Variants in CTBP2 observed in about 807,000 individuals in gnomAD.
CTBP2 encodes the protein C-terminal-binding protein 2.
In CTBP2, 30 loss-of-function variants were observed where a neutral mutation model predicts 80.3. The ratio of observed to expected loss-of-function variants is 0.37; its 90% CI spans 0.28 to 0.51. CTBP2 has a LOEUF of 0.51. Among genes scored for constraint, CTBP2 ranks in the 20% least tolerant of loss-of-function variants. The pLI is 0.93. For missense variants in CTBP2, 1,212 were observed against 1,375.3 expected (o/e 0.88, Z 1.88); for synonymous variants, 594 against 587.4 (o/e 1.01, Z -0.16).
chr10:125,114,453 AGTTCCTGCACCT>A (rs1412621180), intron 1 of CTBP2, among the ~76,000 whole-genome samples: 4 of 152,118 alleles, frequency 2.6e-5, no homozygotes, highest in African/African-American at 4.8e-5. Context: ...GTGGTCAGCT[AGTTCCTGCACCT>A]TCCACATATA....
chr10:125,037,360 G>A (rs1287014612), intron 3 of CTBP2, among the ~76,000 whole-genome samples: 2 of 152,208 alleles, frequency 1.3e-5, no homozygotes, highest in Admixed American at 6.5e-5. Flanking sequence ...TGCAGGGGGT[G>A]GAGTCAGCCC....
chr10:125,073,483 C>G (rs777132764), intron 2 of CTBP2, among the ~76,000 whole-genome samples: 1 of 152,210 alleles, frequency 6.6e-6, no homozygotes, highest in Non-Finnish European at 1.5e-5. Context: ...TCAAGTGATC[C>G]GCCCGCCTTG....
chr10:125,090,370 A>G (rs544886162), intron 2 of CTBP2, among the ~76,000 whole-genome samples: 2 of 151,488 alleles, frequency 1.3e-5, no homozygotes, highest in Non-Finnish European at 2.9e-5. Flanking sequence ...ATAACTGAAT[A>G]TGTATCATAA....
intron 2 of CTBP2, among the ~76,000 whole-genome samples, chr10:125,107,146 C>T (rs1851585223): frequency 6.6e-6 from 1 of 152,222 alleles, no homozygotes; most frequent in African/African-American, 2.4e-5. Flanking sequence ...TCAGCGGGGG[C>T]CCCTCCTCCC....
chr10:125,089,161 G>GC (rs952347467), intron 2 of CTBP2, among the ~76,000 whole-genome samples: 9 of 152,174 alleles, frequency 5.9e-5, no homozygotes, highest in African/African-American at 2.2e-4. Context: ...ATGACATGCT[G>GC]CAAACATTTT....
intron 2 of CTBP2, among the ~76,000 whole-genome samples, chr10:125,052,829 G>A (rs1487220173): frequency 6.6e-6 from 1 of 152,202 alleles, no homozygotes; most frequent in African/African-American, 2.4e-5. Flanking sequence ...TGGATCTCAG[G>A]CTGGAATTGG....
At chr10:125,063,941 C>G (rs1177036688) in intron 2 of CTBP2, among the ~76,000 whole-genome samples, 2 of 152,152 alleles carry the variant, frequency 1.3e-5, no homozygotes, top group Non-Finnish European at 2.9e-5. Context: ...GTGCCACCTT[C>G]CAGGGGTGCT....
intron 2 of CTBP2, among the ~76,000 whole-genome samples, chr10:125,084,376 G>A (rs1395023960): frequency 2.6e-5 from 4 of 152,198 alleles, no homozygotes; most frequent in Admixed American, 6.5e-5. Flanking sequence ...CAGCAGCCCC[G>A]TGGAAGGAAA....
chr10:124,987,555 C>G lies in CTBP2; in HGVS notation c.*1963G>C, dbSNP rs903437675. ...CTCCTTTTCACGCATATTTCATTGC[C>G]TCTTTGATGAGTGGTTACGAAGACG... On this transcript the variant is annotated 3_prime_UTR_variant, in exon 9 of 9. Transcript: ENST00000309035. 6.6e-6 allele frequency: 1 copy of G among 152,070 alleles called. No individual in the cohort carries two copies. The highest frequency in any genetic ancestry group is 2.1e-4 in the South Asian group (1 of 4,830). 9.4% of individuals were successfully genotyped at this position (152,070 alleles called of 1,614,324 possible). A position where few individuals can be genotyped will look rare whatever the true frequency, so the allele number is the denominator to read the frequency against.
At chr10:125,088,859 T>C (rs557433841) in intron 2 of CTBP2, among the ~76,000 whole-genome samples, 4 of 152,198 alleles carry the variant, frequency 2.6e-5, no homozygotes, top group Non-Finnish European at 5.9e-5. Context: ...GGGAGATGAA[T>C]GCCCCAGAGC....
At chr10:125,141,423 G>A (rs1235644810) in intron 1 of CTBP2, among the ~76,000 whole-genome samples, 2 of 152,110 alleles carry the variant, frequency 1.3e-5, no homozygotes, top group African/African-American at 4.8e-5. Context: ...CGGGGCAGCT[G>A]ACCTTCCCCA....
chr10:125,039,217 C>T (rs1046755564), intron 2 of CTBP2, 62 bp from the exon 3 acceptor site: 2 of 579,422 alleles, frequency 3.5e-6, no homozygotes, highest in South Asian at 2.3e-5. Flanking sequence ...GACAACAGCT[C>T]ACTGGGGACT....
intron 1 of CTBP2, among the ~76,000 whole-genome samples, chr10:125,020,836 G>A (rs1279806957): frequency 2.0e-5 from 3 of 152,186 alleles, no homozygotes; most frequent in African/African-American, 7.2e-5. Context: ...AGTGTGGAGG[G>A]GGTCTGCGCT....
rs1384936072 is a variant in CTBP2, at chr10:124,986,828, C to CAA, written c.*2688_*2689dup. The CAA allele has an allele frequency of 6.6e-6, 1 of 152,112 alleles. No homozygotes were observed. Among genetic ancestry groups the CAA allele is most frequent in the African/African-American group, 2.4e-5 (1 of 41,402 alleles). The allele number at this position is 152,112 out of a possible 1,614,324, so 9.4% of individuals were successfully genotyped here. On this transcript the variant is annotated 3_prime_UTR_variant, in exon 9 of 9. Transcript: ENST00000309035. ...AATCTGCCCTCCCAATTGAAAAAGCCAAAGAGAATTGTTAGAGGGAAAAGC... is the reference window on the plus strand; with the variant it reads ...AATCTGCCCTCCCAATTGAAAAAGCCAAAAAGAGAATTGTTAGAGGGAAAAGC...
chr10:125,042,301 G>C (rs964440061), intron 2 of CTBP2, among the ~76,000 whole-genome samples: 4 of 152,262 alleles, frequency 2.6e-5, no homozygotes, highest in South Asian at 4.2e-4. Context: ...TGCACACAGC[G>C]GCCTCCAGCT....
At chr10:125,069,896 C>A (rs531130104) in intron 2 of CTBP2, among the ~76,000 whole-genome samples, 1,650 of 70,084 alleles carry the variant, frequency 0.024, 18 homozygotes, top group Non-Finnish European at 0.043. Context: ...CTCCCCCCCC[C>A]ACACAAACCC....
chr10:125,073,923 C>T (rs1048351386), intron 2 of CTBP2, among the ~76,000 whole-genome samples: 5 of 152,202 alleles, frequency 3.3e-5, no homozygotes, highest in Middle Eastern at 3.2e-3. Context: ...CTTACTCCCA[C>T]GGCCCAGGCG....
chr10:125,107,009 G>A (rs955767771), intron 2 of CTBP2, among the ~76,000 whole-genome samples: 2 of 152,248 alleles, frequency 1.3e-5, no homozygotes, highest in Middle Eastern at 3.2e-3. Context: ...AGATGCTCAG[G>A]AGAGAAGAAC....
intron 2 of CTBP2, among the ~76,000 whole-genome samples, chr10:125,048,449 G>A (rs961796878): frequency 6.6e-5 from 10 of 152,326 alleles, no homozygotes; most frequent in Admixed American, 3.9e-4. Context: ...GAGGCAGAAG[G>A]TCTCACCGTT....
Sources: gnomAD v4.1 joint callset for allele counts (sites outside exome capture counted in the v4.1 genomes callset) on GRCh38, gnomAD v4.1.1 for gene constraint, MANE v1.5 for transcripts, NCBI Gene and HGNC (gene_info 2026-07-23, HGNC 2026-07-21) for gene names.